STRN: variants seen among roughly 807,000 people sequenced by gnomAD.
STRN encodes striatin, also known as protein phosphatase 2 regulatory subunit B'''alpha.
Under a neutral mutation model 96.3 loss-of-function variants are expected in STRN, and 53 were observed. The observed-to-expected ratio is 0.55, with a 90% confidence interval of 0.44 to 0.69. STRN has a LOEUF of 0.69. Ranked by LOEUF, STRN falls within the 30% of genes least tolerant of loss-of-function variation. The probability of loss-of-function intolerance (pLI) is 0.00; values close to 1 mark genes in which losing one functional copy is unlikely to be tolerated. For synonymous variants in STRN, 428 were observed against 355.9 expected, an observed-to-expected ratio of 1.20 and a Z score of -2.28; for missense variants, 987 against 963.9, an observed-to-expected ratio of 1.02 and a Z score of -0.32.
At chr2:36,932,474 A>C (rs1336209139) in intron 1 of STRN, among the ~76,000 whole-genome samples, 1 of 152,116 alleles carries the variant, frequency 6.6e-6, no homozygotes, top group African/African-American at 2.4e-5. Context: ...ATTTTAACAA[A>C]CTAGTCAGTC....
intron 8 of STRN, 103 bp downstream of exon 8, chr2:36,886,613 A>T: frequency 1.2e-6 from 1 of 865,942 alleles, no homozygotes; most frequent in Non-Finnish European, 1.8e-6. Context: ...TCAGGAGCAG[A>T]AATGAAAAAG....
At chr2:36,864,270 AT>A (rs1336259348) in intron 12 of STRN, among the ~76,000 whole-genome samples, 1 of 152,148 alleles carries the variant, frequency 6.6e-6, no homozygotes, top group East Asian at 1.9e-4. Flanking sequence ...GCAGTTCAGT[AT>A]GATTTTGCAG....
chr2:36,863,335 C>G (rs1392078278), intron 12 of STRN, among the ~76,000 whole-genome samples: 1 of 152,064 alleles, frequency 6.6e-6, no homozygotes, highest in Non-Finnish European at 1.5e-5. Context: ...TTTAATCCGT[C>G]TGAATTGATT....
chr2:36,880,737 GTTTT>G (rs1354515966), intron 9 of STRN, among the ~76,000 whole-genome samples: 1 of 152,158 alleles, frequency 6.6e-6, no homozygotes, highest in Non-Finnish European at 1.5e-5. Context: ...TCAGCCAGGT[GTTTT>G]TTGTTTGATT....
Position 36,883,978 on chromosome 2 carries a change from G to A in STRN, c.1140C>T (p.Pro380=). The change falls in exon 9 of 18, where the codon CCC becomes CCT. Residue 380 remains proline, a synonymous_variant. Coordinates refer to ENST00000263918, the MANE Select transcript of STRN (RefSeq NM_003162.4). The stretch of plus-strand genomic sequence containing the variant: ...CATGTTCAGGAAGCCTGGAGCTGCT[G>A]GGTCTGGAAGGTGAACCCACAGATG... The part of the protein sequence containing the change: ...LQPSVGSPSR[P]SSSRLPEHEI... The A allele has an allele frequency of 7.0e-7, 1 of 1,435,034 alleles. No homozygotes were observed. 88.9% of individuals were successfully genotyped at this position (1,435,034 alleles called of 1,614,324 possible).
At chr2:36,860,223 C>A (rs1166143478) in intron 13 of STRN, among the ~76,000 whole-genome samples, 2 of 152,026 alleles carry the variant, frequency 1.3e-5, no homozygotes, top group Non-Finnish European at 2.9e-5. Context: ...GATTCGAGTA[C>A]AGTCACAAAA....
rs1227003885 is a variant in STRN, at chr2:36,966,135, C to G, written c.234+95G>C. On this transcript the variant is annotated intron_variant, in intron 1 of 17. Transcript: ENST00000263918. ...TGGGCGGCAGCAAAGGGGGAGGGGA[C>G]GCGAGAAGGCTGGGGGAGGGGGAGA... 21 of 1,258,686 alleles carry G rather than the reference C, an allele frequency of 1.7e-5. No homozygotes were observed. In the African/African-American group the frequency reaches 4.0e-4, roughly 24 times the overall value. 78.0% of individuals were successfully genotyped at this position (1,258,686 alleles called of 1,614,324 possible).
rs1668084682 is a variant in STRN, at chr2:36,846,603, T to A, written c.*2853A>T. On this transcript the variant is annotated 3_prime_UTR_variant, in exon 18 of 18. Coordinates refer to ENST00000263918, the MANE Select transcript of STRN (RefSeq NM_003162.4). ...AAAAAATTTCTCACAAAGTTCATCA[T>A]CAGTGATGCAGCTCAATTTCCCCCG... is the stretch of plus-strand genomic sequence containing the variant. The A allele has an allele frequency of 6.6e-6, 1 of 151,386 alleles. No individual in the cohort carries two copies. The highest frequency in any genetic ancestry group is 6.6e-5 in the Admixed American group (1 of 15,160). 9.4% of individuals were successfully genotyped at this position (151,386 alleles called of 1,614,324 possible).
chr2:36,931,974 C>A (rs1370043315), intron 1 of STRN, among the ~76,000 whole-genome samples: 1 of 152,066 alleles, frequency 6.6e-6, no homozygotes, highest in African/African-American at 2.4e-5. Flanking sequence ...GCGCATACGA[C>A]CACATGCAGC....
chr2:36,881,560 T>C (rs1348039981), intron 9 of STRN, among the ~76,000 whole-genome samples: 1 of 152,206 alleles, frequency 6.6e-6, no homozygotes, highest in African/African-American at 2.4e-5. Flanking sequence ...AAATATACAA[T>C]CTATCTCTTA....
At chr2:36,929,723 A>G (rs981999522) in intron 1 of STRN, among the ~76,000 whole-genome samples, 3 of 152,232 alleles carry the variant, frequency 2.0e-5, no homozygotes, top group Non-Finnish European at 4.4e-5. Context: ...TCTAAAATTT[A>G]AAAGGGCTAG....
Position 36,848,393 on chromosome 2 carries a change from C to T in STRN, c.*1063G>A, listed in dbSNP as rs2148120893. 1 of 152,258 alleles carries T rather than the reference C, an allele frequency of 6.6e-6. No individual in the cohort carries two copies. The highest frequency in any genetic ancestry group is 6.5e-5 in the Admixed American group (1 of 15,282). The allele number at this position is 152,258 out of a possible 1,614,324, so 9.4% of individuals were successfully genotyped here. On this transcript the variant is annotated 3_prime_UTR_variant, in exon 18 of 18. Transcript: ENST00000263918. The stretch of plus-strand genomic sequence containing the variant: ...AAGCAGCTGCGTGAAGTTAACCATA[C>T]TCTTTGGGCTATTAATAATTATGAA...
intron 11 of STRN, 94 bp from the exon 12 acceptor site, chr2:36,867,955 T>A: frequency 1.1e-6 from 1 of 929,640 alleles, no homozygotes; most frequent in Non-Finnish European, 1.6e-6. Flanking sequence ...ATACAAACAT[T>A]ATGGGAATAT....
intron 6 of STRN, 67 bp from the exon 7 acceptor site, chr2:36,894,100 C>A (rs1325108223): frequency 2.0e-6 from 3 of 1,523,120 alleles, no homozygotes; most frequent in East Asian, 2.3e-5. Flanking sequence ...TAAGAAAATT[C>A]AATTATTTTC....
chr2:36,927,160 A>G (rs1171970821), intron 1 of STRN, among the ~76,000 whole-genome samples: 2 of 152,234 alleles, frequency 1.3e-5, no homozygotes, highest in South Asian at 4.1e-4. Context: ...ACAATACCAT[A>G]AAGTCTTTAC....
chr2:36,909,764 T>C lies in STRN; in HGVS notation c.413-4146A>G, dbSNP rs149974333. On this transcript the variant is annotated intron_variant, in intron 3 of 17. Transcript: ENST00000263918. Reference sequence around the variant, plus strand: ...TCATAATAAAATCATTTAGAACCAATGATAAAGAGAAAATCTTAAAAGCAG... The same window carrying C: ...TCATAATAAAATCATTTAGAACCAACGATAAAGAGAAAATCTTAAAAGCAG... Among the ~76,000 whole-genome samples, 814 of 151,978 alleles carry C rather than the reference T, an allele frequency of 5.4e-3. 8 individuals carry two copies. The highest frequency in any genetic ancestry group is 0.019 in the African/African-American group (783 of 41,430).
chr2:36,964,275 T>G (rs554937225), intron 1 of STRN, among the ~76,000 whole-genome samples: 25 of 151,078 alleles, frequency 1.7e-4, no homozygotes, highest in East Asian at 1.2e-3. Context: ...TGTTTTTGTT[T>G]TTTTTTTTTT....
At chr2:36,856,587 A>G (rs1314963216) in intron 14 of STRN, among the ~76,000 whole-genome samples, 2 of 152,240 alleles carry the variant, frequency 1.3e-5, no homozygotes, top group Non-Finnish European at 1.5e-5. Flanking sequence ...AAACTAATCT[A>G]TGATGAAAGA....
intron 3 of STRN, among the ~76,000 whole-genome samples, chr2:36,909,574 G>A (rs1669912518): frequency 6.6e-6 from 1 of 152,118 alleles, no homozygotes; most frequent in Admixed American, 6.5e-5. Context: ...ACCACCTAGA[G>A]AGAGTTTCCA....
Sources: allele counts gnomAD v4.1 joint callset (sites outside exome capture counted in the v4.1 genomes callset), GRCh38; gene constraint gnomAD v4.1.1; transcripts MANE v1.5; gene names NCBI Gene and HGNC (gene_info 2026-07-23, HGNC 2026-07-21).